The following PRKCH variants were observed in gnomAD, a reference collection of about 807,000 sequenced individuals.
The protein encoded by PRKCH is protein kinase C eta type.
In PRKCH, 28 loss-of-function variants were observed where a neutral mutation model predicts 82.5. The observed-to-expected ratio is 0.34, with a 90% CI of 0.25 to 0.47. The LOEUF is 0.47. Ranked by LOEUF, PRKCH falls within the 20% of genes least tolerant of loss-of-function variation. The pLI is 1.00. For synonymous variants in PRKCH, 322 were observed against 327.4 expected (o/e 0.98, Z 0.18); for missense variants, 705 against 881.8 (o/e 0.80, Z 2.54).
chr14:61,233,703 G>A (rs1015234966), intron 1 of PRKCH, among the ~76,000 whole-genome samples: 1 of 152,108 alleles, frequency 6.6e-6, no homozygotes, highest in South Asian at 2.1e-4. Context: ...GAGATCTGAT[G>A]GTTTTATAAG....
chr14:61,550,110 G>T lies in PRKCH; in HGVS notation c.*279G>T. 3.4e-6 allele frequency: 1 copy of T among 295,196 alleles called. No individual in the cohort carries two copies. Among genetic ancestry groups the T allele is most frequent in the Non-Finnish European group, 6.3e-6 (1 of 158,654 alleles). The allele number at this position is 295,196 out of a possible 1,614,324, so 18.3% of individuals were successfully genotyped here. A position where few individuals can be genotyped will look rare whatever the true frequency, so the allele number is the denominator to read the frequency against. On this transcript the variant is annotated 3_prime_UTR_variant, in exon 14 of 14. Coordinates refer to ENST00000332981, the MANE Select transcript of PRKCH (RefSeq NM_006255.5). ...TCTCTGTGGGCTTGGGATGTTAACA[G>T]GAGCCAAAAGGAGGGAAAGTGTGAA...
intron 10 of PRKCH, among the ~76,000 whole-genome samples, chr14:61,499,155 G>A (rs751338004): frequency 2.6e-5 from 4 of 152,068 alleles, no homozygotes; most frequent in Admixed American, 6.5e-5. Context: ...ACTTAAGCCT[G>A]GCAGGAAAAA....
At chr14:61,254,472 C>T (rs1023090378) in intron 1 of PRKCH, among the ~76,000 whole-genome samples, 115 of 152,024 alleles carry the variant, frequency 7.6e-4, no homozygotes, top group African/African-American at 2.6e-3. Context: ...TTTAATTAGC[C>T]GGGTGTGGTG....
At chr14:61,268,263 A>G (rs1435307737) in intron 1 of PRKCH, among the ~76,000 whole-genome samples, 3 of 152,216 alleles carry the variant, frequency 2.0e-5, no homozygotes, top group Non-Finnish European at 4.4e-5. Flanking sequence ...GATTTTAGAA[A>G]TGTTAAAATG....
chr14:61,392,367 C>A (rs1206482627), intron 2 of PRKCH, among the ~76,000 whole-genome samples: 1 of 152,080 alleles, frequency 6.6e-6, no homozygotes, highest in East Asian at 1.9e-4. Context: ...TATTATACTC[C>A]CACCAGCAAT....
intron 1 of PRKCH, among the ~76,000 whole-genome samples, chr14:61,375,749 G>A (rs2046420744): frequency 6.6e-6 from 1 of 151,938 alleles, no homozygotes; most frequent in Non-Finnish European, 1.5e-5. Flanking sequence ...CAACATGACT[G>A]GATTACAATT....
At chr14:61,338,017 T>C (rs534597815) in intron 1 of PRKCH, among the ~76,000 whole-genome samples, 92 of 152,292 alleles carry the variant, frequency 6.0e-4, no homozygotes, top group African/African-American at 2.1e-3. Context: ...CTTCTTGTCA[T>C]GCACATCCTG....
intron 1 of PRKCH, among the ~76,000 whole-genome samples, chr14:61,188,616 GTGTGTGT>G (rs1207456076): frequency 0.019 from 641 of 34,558 alleles, 93 homozygotes; most frequent in African/African-American, 0.043. Context: ...GGTGTGGTGT[GTGTGTGT>G]GTGTGTGTGT....
At chr14:61,206,692 A>C (rs1279707077) in intron 1 of PRKCH, among the ~76,000 whole-genome samples, 1 of 152,204 alleles carries the variant, frequency 6.6e-6, no homozygotes, top group East Asian at 1.9e-4. Flanking sequence ...TGCAATATGC[A>C]GATTCAGCAT....
intron 2 of PRKCH, among the ~76,000 whole-genome samples, chr14:61,428,322 G>A (rs916491362): frequency 5.3e-5 from 8 of 151,896 alleles, no homozygotes; most frequent in African/African-American, 9.7e-5. Context: ...CTATTCTGTC[G>A]GTTTTAGGTC....
At chr14:61,491,548 C>T (rs996780224) in intron 10 of PRKCH, among the ~76,000 whole-genome samples, 4 of 152,154 alleles carry the variant, frequency 2.6e-5, no homozygotes, top group African/African-American at 9.7e-5. Context: ...GCCATGGTGG[C>T]CTCATTCAGT....
intron 2 of PRKCH, 63 bp from the exon 3 acceptor site, chr14:61,443,048 C>T: frequency 1.4e-6 from 2 of 1,479,580 alleles, no homozygotes; most frequent in African/African-American, 1.4e-5. Context: ...CAAACTTTCT[C>T]ATCTATTAGG....
At chr14:61,473,093 G>A (rs1885575490) in intron 9 of PRKCH, among the ~76,000 whole-genome samples, 1 of 152,222 alleles carries the variant, frequency 6.6e-6, no homozygotes, top group African/African-American at 2.4e-5. Flanking sequence ...ATAGTCACAA[G>A]AGGAGGGCAT....
chr14:61,188,557 C>A (rs892861533), intron 1 of PRKCH, among the ~76,000 whole-genome samples: 1 of 146,706 alleles, frequency 6.8e-6, no homozygotes, highest in African/African-American at 2.5e-5. Context: ...GACCTCCTCA[C>A]CCCCAGACGT....
At chr14:61,236,244 A>G (rs1357789122) in intron 1 of PRKCH, among the ~76,000 whole-genome samples, 2 of 151,448 alleles carry the variant, frequency 1.3e-5, no homozygotes, top group East Asian at 3.9e-4. Flanking sequence ...GCAGTGTCAG[A>G]GGCGTGTGAA....
chr14:61,549,906 C>T lies in PRKCH; in HGVS notation c.*75C>T, dbSNP rs1594806419. ...TTCTCCAGGAATTTCCTCTATGGGA[C>T]CTTCCCAGCATCAGCCTTAGAACAA... On this transcript the variant is annotated 3_prime_UTR_variant, in exon 14 of 14. Coordinates refer to ENST00000332981, the MANE Select transcript of PRKCH (RefSeq NM_006255.5). The T allele has an allele frequency of 1.5e-5, 22 of 1,494,224 alleles. No homozygotes were observed. The East Asian group carries it at 5.0e-4, about 34-fold the overall frequency. The allele number at this position is 1,494,224 out of a possible 1,614,324, so 92.6% of individuals were successfully genotyped here. A position where few individuals can be genotyped will look rare whatever the true frequency, so the allele number is the denominator to read the frequency against.
chr14:61,414,045 G>A (rs987932974), intron 2 of PRKCH, among the ~76,000 whole-genome samples: 13 of 151,982 alleles, frequency 8.6e-5, no homozygotes, highest in South Asian at 2.1e-4. Flanking sequence ...TTCCTTTCTC[G>A]TATCTTTGGG....
intron 1 of PRKCH, among the ~76,000 whole-genome samples, chr14:61,327,760 G>A (rs112775795): frequency 2.0e-5 from 3 of 152,280 alleles, no homozygotes; most frequent in African/African-American, 7.2e-5. Flanking sequence ...CTAACCCTGG[G>A]ACAATGTCTC....
At position 61,446,664 on chromosome 14, in the gene PRKCH, A is replaced by G. The variant is rs992522463; in HGVS notation, c.613+938A>G. Among the ~76,000 whole-genome samples the G allele has an allele frequency of 3.3e-5, 5 of 152,252 alleles. No homozygotes were observed. The South Asian group carries it at 1.0e-3, about 31-fold the overall frequency. The stretch of plus-strand genomic sequence containing the variant: ...TTAGGAAAAAACAAATATATAATCA[A>G]TATGACAGCAATAATTGACCTGTAT... On this transcript the variant is annotated intron_variant, in intron 4 of 13. Transcript: ENST00000332981.
Sources: gnomAD v4.1 joint callset for allele counts (sites outside exome capture counted in the v4.1 genomes callset) on GRCh38, gnomAD v4.1.1 for gene constraint, MANE v1.5 for transcripts, NCBI Gene and HGNC (gene_info 2026-07-23, HGNC 2026-07-21) for gene names.